FAM107B: variants seen among roughly 807,000 people sequenced by gnomAD.
The protein encoded by FAM107B is family with sequence similarity 107 member B.
A neutral mutation model predicts 31.5 loss-of-function variants in FAM107B; 21 were observed. The ratio of observed to expected loss-of-function variants is 0.67; its 90% confidence interval spans 0.47 to 0.96. The LOEUF (loss-of-function observed/expected upper bound fraction) is 0.96. Ranked by LOEUF, FAM107B falls within the 40% of genes least tolerant of loss-of-function variation. The pLI is 0.00. For synonymous variants in FAM107B, 157 were observed against 141.5 expected (o/e 1.11, Z -0.78); for missense variants, 452 against 377.1 (o/e 1.20, Z -1.64).
intron 2 of FAM107B, among the ~76,000 whole-genome samples, chr10:14,610,923 CACTT>C (rs1223267639): frequency 6.6e-6 from 1 of 152,162 alleles, no homozygotes; most frequent in Non-Finnish European, 1.5e-5. Context: ...CTGCCTAAAA[CACTT>C]AATTTCGTTT....
intron 2 of FAM107B, among the ~76,000 whole-genome samples, chr10:14,547,574 C>G (rs1263993236): frequency 1.3e-5 from 2 of 151,766 alleles, no homozygotes; most frequent in Non-Finnish European, 2.9e-5. Flanking sequence ...AGTATCTACA[C>G]TCTGAAATGC....
chr10:14,719,383 C>A (rs1227832937), intron 1 of FAM107B, among the ~76,000 whole-genome samples: 2 of 152,166 alleles, frequency 1.3e-5, no homozygotes, highest in Non-Finnish European at 2.9e-5. Context: ...TGTCCTAATA[C>A]AACATAACTA....
rs866510733 is a variant in FAM107B at position 14,604,000 on chromosome 10, G to A, written c.469+63634C>T. On this transcript the variant is annotated intron_variant, in intron 2 of 4. Transcript: ENST00000181796. ...CTTCCCCGCAGCGGCCCCCGCCTCC[G>A]CGGCGCCCCCCGCACGGCCCCGCCG... Among the ~76,000 whole-genome samples the A allele has an allele frequency of 4.8e-5, 7 of 146,744 alleles. No homozygotes were observed. The South Asian group carries it at 1.5e-3, about 31-fold the overall frequency.
intron 1 of FAM107B, among the ~76,000 whole-genome samples, chr10:14,734,789 G>A (rs2131564237): frequency 6.6e-6 from 1 of 152,234 alleles, no homozygotes; most frequent in East Asian, 1.9e-4. Context: ...CAGTCACCCA[G>A]GCTGGAGTGC....
intron 2 of FAM107B, among the ~76,000 whole-genome samples, chr10:14,547,414 T>C (rs1848799438): frequency 6.6e-6 from 1 of 152,166 alleles, no homozygotes; most frequent in Non-Finnish European, 1.5e-5. Context: ...ATTGGCCAAA[T>C]TGTGGGTCAA....
chr10:14,761,023 AAAAAAAAAAAAAAG>A (rs1192206619), intron 1 of FAM107B, among the ~76,000 whole-genome samples: 17 of 141,190 alleles, frequency 1.2e-4, no homozygotes, highest in African/African-American at 3.9e-4. Flanking sequence ...AAAAAAAAAA[AAAAAAAAAAAAAAG>A]AAAGACATAT....
At chr10:14,629,674 G>A (rs1249033462) in intron 2 of FAM107B, among the ~76,000 whole-genome samples, 2 of 149,080 alleles carry the variant, frequency 1.3e-5, no homozygotes, top group South Asian at 2.1e-4. Context: ...CACCACGCCC[G>A]GCTAATTTTT....
chr10:14,724,611 G>A (rs1442185654), intron 1 of FAM107B, among the ~76,000 whole-genome samples: 1 of 152,082 alleles, frequency 6.6e-6, no homozygotes, highest in Non-Finnish European at 1.5e-5. Context: ...ATTGTCTGGA[G>A]CAGGTGGTCA....
intron 2 of FAM107B, among the ~76,000 whole-genome samples, chr10:14,588,869 T>G (rs1183904923): frequency 6.6e-6 from 1 of 151,916 alleles, no homozygotes; most frequent in Non-Finnish European, 1.5e-5. Flanking sequence ...TCCTTCATGA[T>G]GTTTCCAAGA....
At chr10:14,550,768 T>C (rs1362857667) in intron 2 of FAM107B, among the ~76,000 whole-genome samples, 1 of 152,236 alleles carries the variant, frequency 6.6e-6, no homozygotes, top group Non-Finnish European at 1.5e-5. Context: ...CAGAACTTTT[T>C]TTAACAGTAC....
intron 2 of FAM107B, among the ~76,000 whole-genome samples, chr10:14,654,704 C>T (rs1177740350): frequency 2.0e-5 from 3 of 152,108 alleles, no homozygotes; most frequent in Non-Finnish European, 2.9e-5. Flanking sequence ...TTCTTACGCT[C>T]AAATAAGCAT....
At chr10:14,612,330 T>C (rs1852745556) in intron 2 of FAM107B, among the ~76,000 whole-genome samples, 1 of 152,250 alleles carries the variant, frequency 6.6e-6, no homozygotes, top group African/African-American at 2.4e-5. Flanking sequence ...TAATAAAAGT[T>C]GGAACTTTAT....
intron 2 of FAM107B, among the ~76,000 whole-genome samples, chr10:14,561,709 A>C (rs1230336576): frequency 6.6e-6 from 1 of 152,228 alleles, no homozygotes; most frequent in Non-Finnish European, 1.5e-5. Context: ...CTAATACATA[A>C]AAGAAAGAAA....
chr10:14,533,827 T>C (rs1847305237), intron 2 of FAM107B, among the ~76,000 whole-genome samples: 1 of 152,120 alleles, frequency 6.6e-6, no homozygotes, highest in Non-Finnish European at 1.5e-5. Flanking sequence ...TCTTTAGATT[T>C]AGTTGCTTGG....
intron 2 of FAM107B, chr10:14,602,783 A>C (rs1475660512): frequency 6.6e-6 from 1 of 152,224 alleles, no homozygotes; most frequent in Admixed American, 6.5e-5. Flanking sequence ...CTTCCAAATA[A>C]AGTGGAAATT....
intron 2 of FAM107B, chr10:14,652,673 G>T (rs567953574): frequency 6.6e-6 from 1 of 152,298 alleles, no homozygotes; most frequent in African/African-American, 2.4e-5. Flanking sequence ...GAAAATGTTA[G>T]CATTGTTATT....
chr10:14,682,497 C>T (rs1374192856), intron 1 of FAM107B, among the ~76,000 whole-genome samples: 4 of 152,118 alleles, frequency 2.6e-5, no homozygotes, highest in Admixed American at 2.6e-4. Flanking sequence ...CCACTGCATT[C>T]CAGCTTGGGC....
At chr10:14,599,897 A>G (rs545935264) in intron 2 of FAM107B, among the ~76,000 whole-genome samples, 2 of 152,220 alleles carry the variant, frequency 1.3e-5, no homozygotes, top group East Asian at 3.9e-4. Context: ...ACATCTCATG[A>G]ATCTCAGAAC....
At chr10:14,644,811 G>A (rs1853712982) in intron 2 of FAM107B, among the ~76,000 whole-genome samples, 1 of 152,208 alleles carries the variant, frequency 6.6e-6, no homozygotes, top group Non-Finnish European at 1.5e-5. Context: ...TTGTGCATCG[G>A]ACAGGAGAGG....
Sources: allele counts gnomAD v4.1 joint callset (sites outside exome capture counted in the v4.1 genomes callset), GRCh38; gene constraint gnomAD v4.1.1; transcripts MANE v1.5; gene names NCBI Gene and HGNC (gene_info 2026-07-23, HGNC 2026-07-21).